PABPC4L: variants seen among roughly 807,000 people sequenced by gnomAD.
The protein encoded by PABPC4L is polyadenylate-binding protein 4-like.
For missense variants in PABPC4L, 452 were observed against 451.4 expected (o/e 1.00, Z -0.01); for synonymous variants, 169 against 164.1 (o/e 1.03, Z -0.23).
chr4:134,155,337 C>T, the PABPC4L span, among the ~76,000 whole-genome samples: 2 of 150,998 alleles, frequency 1.3e-5, no homozygotes, highest in Admixed American at 1.3e-4. Context: ...TGTCTATTTT[C>T]CTATTCCTTC....
the PABPC4L span, among the ~76,000 whole-genome samples, chr4:134,176,920 C>T: frequency 6.6e-6 from 1 of 152,090 alleles, no homozygotes; most frequent in Non-Finnish European, 1.5e-5. Flanking sequence ...ACTCACAAGT[C>T]CAAGGAAACT....
the PABPC4L span, among the ~76,000 whole-genome samples, chr4:134,003,800 CAG>C: frequency 6.6e-6 from 1 of 151,760 alleles, no homozygotes; most frequent in African/African-American, 2.4e-5. Flanking sequence ...AAAACGCATG[CAG>C]AGACTTCAAG....
chr4:133,956,432 C>T, the PABPC4L span, among the ~76,000 whole-genome samples: 3 of 152,158 alleles, frequency 2.0e-5, no homozygotes, highest in Non-Finnish European at 4.4e-5. Flanking sequence ...TAATTTGATG[C>T]TGTTTTTTTC....
At chr4:134,063,889 C>A in the PABPC4L span, among the ~76,000 whole-genome samples, 2 of 151,924 alleles carry the variant, frequency 1.3e-5, no homozygotes, top group African/African-American at 4.8e-5. Flanking sequence ...TTATACTTCA[C>A]TTTGCTTATG....
chr4:133,959,647 C>T, the PABPC4L span, among the ~76,000 whole-genome samples: 3 of 152,058 alleles, frequency 2.0e-5, no homozygotes, highest in Admixed American at 6.6e-5. Context: ...TTGTTATAAG[C>T]GCAATGAAGA....
the PABPC4L span, among the ~76,000 whole-genome samples, chr4:133,997,772 A>T: frequency 1.1e-4 from 16 of 152,298 alleles, no homozygotes; most frequent in East Asian, 2.5e-3. Context: ...TGAAGATAAT[A>T]ATAATGTCAT....
the PABPC4L span, among the ~76,000 whole-genome samples, chr4:133,969,807 C>A: frequency 6.6e-6 from 1 of 152,100 alleles, no homozygotes; most frequent in Non-Finnish European, 1.5e-5. Flanking sequence ...ACCAAACACA[C>A]AAACAAAAAC....
At chr4:134,173,016 T>C in the PABPC4L span, among the ~76,000 whole-genome samples, 1 of 151,646 alleles carries the variant, frequency 6.6e-6, no homozygotes, top group Admixed American at 6.6e-5. Flanking sequence ...GGAGATGTCA[T>C]CTCACCCAGT....
At chr4:134,174,102 A>C in the PABPC4L span, among the ~76,000 whole-genome samples, 1 of 151,464 alleles carries the variant, frequency 6.6e-6, no homozygotes, top group East Asian at 1.9e-4. Context: ...TTTTTTTGTT[A>C]AAATCTGTGA....
At chr4:134,104,438 A>G in the PABPC4L span, among the ~76,000 whole-genome samples, 1 of 151,516 alleles carries the variant, frequency 6.6e-6, no homozygotes, top group Non-Finnish European at 1.5e-5. Context: ...TCCACCACCT[A>G]CTACATACAG....
the PABPC4L span, among the ~76,000 whole-genome samples, chr4:133,999,683 GAA>G: frequency 6.6e-6 from 1 of 151,980 alleles, no homozygotes; most frequent in African/African-American, 2.4e-5. Flanking sequence ...AATACAAGGG[GAA>G]AAAAGTTTCC....
chr4:133,982,051 A>C, the PABPC4L span, among the ~76,000 whole-genome samples: 4 of 152,032 alleles, frequency 2.6e-5, no homozygotes, highest in Non-Finnish European at 4.4e-5. Context: ...TTAACATCAG[A>C]GATACTAATA....
At chr4:134,036,314 T>C in the PABPC4L span, among the ~76,000 whole-genome samples, 1 of 152,130 alleles carries the variant, frequency 6.6e-6, no homozygotes, top group Non-Finnish European at 1.5e-5. Context: ...AATTTAGTTA[T>C]TTTAACTGCA....
chr4:134,073,654 T>A, the PABPC4L span, among the ~76,000 whole-genome samples: 7 of 152,236 alleles, frequency 4.6e-5, no homozygotes, highest in African/African-American at 1.4e-4. Flanking sequence ...AGGTTCTCCA[T>A]GAGGGCTTTG....
At chr4:133,981,750 A>T in the PABPC4L span, among the ~76,000 whole-genome samples, 1 of 152,026 alleles carries the variant, frequency 6.6e-6, no homozygotes, top group African/African-American at 2.4e-5. Flanking sequence ...TGAGAAGATG[A>T]AATTCTAATG....
the PABPC4L span, among the ~76,000 whole-genome samples, chr4:134,003,299 C>G: frequency 1.3e-5 from 2 of 151,868 alleles, no homozygotes; most frequent in Non-Finnish European, 2.9e-5. Context: ...TTTTCCAACT[C>G]ATGGAGAACC....
chr4:134,052,531 G>A, the PABPC4L span, among the ~76,000 whole-genome samples: 1 of 151,870 alleles, frequency 6.6e-6, no homozygotes, highest in African/African-American at 2.4e-5. Flanking sequence ...ATATCATTAT[G>A]TGTTCCGTGA....
chr4:134,080,859 G>T, the PABPC4L span, among the ~76,000 whole-genome samples: 1 of 152,034 alleles, frequency 6.6e-6, no homozygotes, highest in Non-Finnish European at 1.5e-5. Context: ...ACACCAAGAA[G>T]GTTCCATAGG....
At chr4:134,162,658 T>C in the PABPC4L span, among the ~76,000 whole-genome samples, 4 of 152,116 alleles carry the variant, frequency 2.6e-5, no homozygotes, top group African/African-American at 7.2e-5. Flanking sequence ...TCCTATCAAG[T>C]ATCTTCTCAA....
Sources: gnomAD v4.1 joint callset for allele counts (sites outside exome capture counted in the v4.1 genomes callset) on GRCh38, gnomAD v4.1.1 for gene constraint, MANE v1.5 for transcripts, NCBI Gene and HGNC (gene_info 2026-07-23, HGNC 2026-07-21) for gene names.